Variants in CDKAL1 observed in about 807,000 individuals in gnomAD.
CDKAL1 encodes threonylcarbamoyladenosine tRNA methylthiotransferase.
In CDKAL1, 32 loss-of-function variants were observed where a neutral mutation model predicts 68.2. That is an observed-to-expected ratio of 0.47 (90% CI 0.35 to 0.63). The LOEUF (loss-of-function observed/expected upper bound fraction) is 0.63, where lower values mean the gene tolerates loss of function less well. Ranked by LOEUF, CDKAL1 falls within the 30% of genes least tolerant of loss-of-function variation. The pLI, the probability that CDKAL1 is intolerant of heterozygous loss-of-function variation, is 0.00. For missense variants in CDKAL1, 606 were observed against 696.7 expected, an observed-to-expected ratio of 0.87 and a Z score of 1.47; for synonymous variants, 234 against 244.3, an observed-to-expected ratio of 0.96 and a Z score of 0.39.
chr6:20,778,741 G>A (rs942063574), intron 7 of CDKAL1, among the ~76,000 whole-genome samples: 10 of 152,192 alleles, frequency 6.6e-5, no homozygotes, highest in Admixed American at 5.2e-4. Flanking sequence ...TCTGAAAGCC[G>A]AAATGGACCT....
chr6:20,558,165 G>T (rs1283539452), intron 4 of CDKAL1, among the ~76,000 whole-genome samples: 1 of 152,172 alleles, frequency 6.6e-6, no homozygotes, highest in African/African-American at 2.4e-5. Flanking sequence ...AGAGGTAGTA[G>T]AAATAGACAT....
At chr6:20,938,213 G>A (rs1055162577) in intron 9 of CDKAL1, among the ~76,000 whole-genome samples, 2 of 152,048 alleles carry the variant, frequency 1.3e-5, no homozygotes, top group Non-Finnish European at 2.9e-5. Context: ...AGCTTCTTCA[G>A]TTTGACTCCT....
intron 7 of CDKAL1, among the ~76,000 whole-genome samples, chr6:20,765,869 C>G (rs1311084066): frequency 1.3e-5 from 2 of 152,142 alleles, no homozygotes; most frequent in Non-Finnish European, 2.9e-5. Flanking sequence ...CTGTTTTTAG[C>G]TACACACATA....
intron 8 of CDKAL1, among the ~76,000 whole-genome samples, chr6:20,795,242 G>A (rs776662009): frequency 2.0e-5 from 3 of 151,998 alleles, no homozygotes; most frequent in Admixed American, 6.6e-5. Context: ...ATGTTTTTAC[G>A]ACTCAGTTTC....
chr6:21,069,804 T>TTA (rs60342057), intron 12 of CDKAL1, among the ~76,000 whole-genome samples: 2,684 of 85,346 alleles, frequency 0.031, 225 homozygotes, highest in Admixed American at 0.044. Context: ...TTTTTTTTTT[T>TTA]AAAACAGAGC....
intron 13 of CDKAL1, among the ~76,000 whole-genome samples, chr6:21,110,363 A>G (rs1774061636): frequency 6.6e-6 from 1 of 152,238 alleles, no homozygotes; most frequent in Admixed American, 6.5e-5. Context: ...CACAAAGACT[A>G]GAACCATAGG....
chr6:21,163,993 T>A (rs1777035115), intron 13 of CDKAL1, among the ~76,000 whole-genome samples: 1 of 151,830 alleles, frequency 6.6e-6, no homozygotes, highest in Non-Finnish European at 1.5e-5. Context: ...TGTGTCTATT[T>A]TAGTTATTAA....
At position 21,231,818 on chromosome 6, in the gene CDKAL1, T is replaced by A. The variant is rs754733666; in HGVS notation, c.*779T>A. The A allele has an allele frequency of 6.6e-6, 1 of 152,192 alleles. No individual in the cohort carries two copies. Among genetic ancestry groups the A allele is most frequent in the African/African-American group, 2.4e-5 (1 of 41,446 alleles). 9.4% of individuals were successfully genotyped at this position (152,192 alleles called of 1,614,324 possible). A position where few individuals can be genotyped will look rare whatever the true frequency, so the allele number is the denominator to read the frequency against. On this transcript the variant is annotated 3_prime_UTR_variant, in exon 16 of 16. Coordinates refer to ENST00000274695, the MANE Select transcript of CDKAL1 (RefSeq NM_017774.3). ...AACATTGTATTTTTCACAGCAGATG[T>A]GTTCCTGAAAAGTGTATAGAAACCT...
intron 13 of CDKAL1, among the ~76,000 whole-genome samples, chr6:21,139,651 C>T (rs2151032427): frequency 6.6e-6 from 1 of 152,094 alleles, no homozygotes; most frequent in Non-Finnish European, 1.5e-5. Context: ...GCTAGGACTA[C>T]AGGCACGCAC....
At chr6:21,106,715 G>C (rs1347861433) in intron 12 of CDKAL1, among the ~76,000 whole-genome samples, 1 of 152,206 alleles carries the variant, frequency 6.6e-6, no homozygotes, top group Admixed American at 6.5e-5. Context: ...GATGTGTATA[G>C]GTTATATGCG....
intron 12 of CDKAL1, among the ~76,000 whole-genome samples, chr6:21,107,168 C>T (rs1045535524): frequency 7.9e-5 from 12 of 151,920 alleles, no homozygotes; most frequent in South Asian, 4.2e-4. Context: ...AGGATGGTCT[C>T]GATCTCCTGA....
rs563544428 is a variant in CDKAL1, at chr6:21,178,550, C to A, written c.1300-19471C>A. Among the ~76,000 whole-genome samples the A allele has an allele frequency of 1.6e-3, 250 of 152,238 alleles. 1 individual carries two copies. Among genetic ancestry groups the A allele is most frequent in the South Asian group, 6.2e-3 (30 of 4,818 alleles). On this transcript the variant is annotated intron_variant, in intron 13 of 15. Coordinates refer to ENST00000274695, the MANE Select transcript of CDKAL1 (RefSeq NM_017774.3). ...ATTTTATCTTGCATATAAGACCTTA[C>A]TTGGAAAAAAGAGAGGATCACATGG...
Position 20,951,488 on chromosome 6 carries a change from G to A in CDKAL1, c.743-3931G>A, listed in dbSNP as rs192326113. ...TCTCAGATTGCTATGGCGCAGAGAT[G>A]GGAATCTAGCTGTTGGGGTTGCTGT... On this transcript the variant is annotated intron_variant, in intron 9 of 15. Coordinates refer to ENST00000274695, the MANE Select transcript of CDKAL1 (RefSeq NM_017774.3). 2.3e-3 allele frequency among the ~76,000 whole-genome samples: 348 copies of A among 152,264 alleles called. 1 individual carries two copies. The highest frequency in any genetic ancestry group is 8.0e-3 in the African/African-American group (333 of 41,564).
At chr6:21,205,645 C>T (rs1165294657) in intron 15 of CDKAL1, among the ~76,000 whole-genome samples, 4 of 150,996 alleles carry the variant, frequency 2.6e-5, no homozygotes, top group Admixed American at 1.3e-4. Context: ...ATTCTCCTGC[C>T]GCAGCCTCCC....
At chr6:20,871,277 CTG>C (rs1482494772) in intron 9 of CDKAL1, among the ~76,000 whole-genome samples, 7 of 152,132 alleles carry the variant, frequency 4.6e-5, no homozygotes, top group African/African-American at 1.7e-4. Flanking sequence ...TAAGATGCAG[CTG>C]TGTGTCTAAT....
intron 4 of CDKAL1, among the ~76,000 whole-genome samples, chr6:20,631,908 C>G (rs1246564710): frequency 6.6e-6 from 1 of 152,190 alleles, no homozygotes; most frequent in Admixed American, 6.5e-5. Context: ...ATTCCAGTAT[C>G]TAAATATAGC....
intron 10 of CDKAL1, among the ~76,000 whole-genome samples, chr6:20,984,805 C>T (rs1766354719): frequency 2.6e-5 from 1 of 37,826 alleles, no homozygotes; most frequent in Non-Finnish European, 5.5e-5. Flanking sequence ...TTTATGGGCA[C>T]AGTAACGGGG....
At chr6:20,734,932 C>T (rs1466889073) in intron 5 of CDKAL1, among the ~76,000 whole-genome samples, 2 of 128,822 alleles carry the variant, frequency 1.6e-5, no homozygotes, top group South Asian at 2.5e-4. Flanking sequence ...TGCAGTGGTG[C>T]GATCTTGGCT....
chr6:21,223,976 T>C (rs765081454), intron 15 of CDKAL1, among the ~76,000 whole-genome samples: 5 of 152,214 alleles, frequency 3.3e-5, no homozygotes, highest in Non-Finnish European at 7.3e-5. Flanking sequence ...GCCCTATCCC[T>C]CTTTCCTTGT....
Sources: allele counts gnomAD v4.1 joint callset (sites outside exome capture counted in the v4.1 genomes callset), GRCh38; gene constraint gnomAD v4.1.1; transcripts MANE v1.5; gene names NCBI Gene and HGNC (gene_info 2026-07-23, HGNC 2026-07-21).